The following CLSTN2 variants were observed in gnomAD, a reference collection of about 807,000 sequenced individuals.
CLSTN2 encodes the protein calsyntenin 2, also known as calsyntenin-2.
CLSTN2 carries 48 observed loss-of-function variants against 101.2 expected under a neutral mutation model. The observed-to-expected ratio is 0.47, with a 90% CI of 0.38 to 0.60. The LOEUF (loss-of-function observed/expected upper bound fraction) is 0.60, where lower values mean the gene tolerates loss of function less well. Among genes scored for constraint, CLSTN2 ranks in the 20% least tolerant of loss-of-function variants. The pLI, the probability that CLSTN2 is intolerant of heterozygous loss-of-function variation, is 0.00. For synonymous variants in CLSTN2, 481 were observed against 463.6 expected (o/e 1.04, Z -0.48); for missense variants, 1,160 against 1,238.2 (o/e 0.94, Z 0.95).
At chr3:140,494,679 C>A (rs1235696164) in intron 8 of CLSTN2, among the ~76,000 whole-genome samples, 1 of 152,172 alleles carries the variant, frequency 6.6e-6, no homozygotes, top group Admixed American at 6.5e-5. Context: ...GTGTTCTCGT[C>A]ATTCAGCTCT....
At chr3:140,291,074 A>G (rs941907187) in intron 2 of CLSTN2, among the ~76,000 whole-genome samples, 2 of 152,180 alleles carry the variant, frequency 1.3e-5, no homozygotes, top group South Asian at 2.1e-4. Flanking sequence ...GCAAAACATT[A>G]CTCATCTCTC....
In CLSTN2 at chr3:140,372,147, T is replaced by A. The variant is rs534075733; in HGVS notation, c.233-31482T>A. Among the ~76,000 whole-genome samples the A allele has an allele frequency of 6.6e-5, 10 of 152,310 alleles. No individual in the cohort carries two copies. The East Asian group carries it at 1.9e-3, about 29-fold the overall frequency. ...CTGGAATCCCACACTTGAACACTCA[T>A]GTCTTTCTCCCCAGCCACCGTGCTC... On this transcript the variant is annotated intron_variant, in intron 2 of 16. Coordinates refer to ENST00000458420, the MANE Select transcript of CLSTN2 (RefSeq NM_022131.3).
intron 2 of CLSTN2, among the ~76,000 whole-genome samples, chr3:140,334,562 A>C (rs1377153742): frequency 6.6e-6 from 1 of 152,240 alleles, no homozygotes; most frequent in African/African-American, 2.4e-5. Context: ...TCCCCACCTT[A>C]CAGCACCTTA....
intron 1 of CLSTN2, among the ~76,000 whole-genome samples, chr3:140,103,489 C>T (rs1297591545): frequency 6.6e-6 from 1 of 152,206 alleles, no homozygotes; most frequent in Non-Finnish European, 1.5e-5. Context: ...CTTTTTGTGG[C>T]TTCATTTAGA....
At chr3:139,985,532 A>AT (rs774346775) in intron 1 of CLSTN2, among the ~76,000 whole-genome samples, 42 of 152,020 alleles carry the variant, frequency 2.8e-4, no homozygotes, top group Non-Finnish European at 5.4e-4. Context: ...AAACTCTGAC[A>AT]TTGTTTGCAG....
chr3:140,563,279 TTA>T, intron 15 of CLSTN2, 76 bp downstream of exon 15: 3 of 1,519,878 alleles, frequency 2.0e-6, no homozygotes, highest in Non-Finnish European at 2.7e-6. Flanking sequence ...CAACAGACGG[TTA>T]TGTTGTAGCA....
rs1034890587 is a variant in CLSTN2, at chr3:140,128,795, T to C, written c.110-47156T>C. The stretch of plus-strand genomic sequence containing the variant: ...CGAGAGAGCTCATTGATGGGGTCCA[T>C]GTGGCCTCCAGGGCACAGAACTGGA... On this transcript the variant is annotated intron_variant, in intron 1 of 16. Transcript: ENST00000458420. 3.3e-5 allele frequency among the ~76,000 whole-genome samples: 5 copies of C among 152,284 alleles called. No individual in the cohort carries two copies. In the East Asian group the frequency reaches 9.7e-4, roughly 29 times the overall value.
intron 4 of CLSTN2, among the ~76,000 whole-genome samples, chr3:140,407,324 C>T (rs2107981233): frequency 6.6e-6 from 1 of 152,298 alleles, no homozygotes; most frequent in East Asian, 1.9e-4. Flanking sequence ...CCTGGCCCCT[C>T]CAACTTTCCA....
chr3:140,371,172 A>T (rs1036721398), intron 2 of CLSTN2, among the ~76,000 whole-genome samples: 1 of 152,194 alleles, frequency 6.6e-6, no homozygotes, highest in African/African-American at 2.4e-5. Context: ...CAGGTGAGGC[A>T]TGCCTTCCAG....
intron 1 of CLSTN2, among the ~76,000 whole-genome samples, chr3:140,162,474 G>T (rs1222058608): frequency 1.3e-5 from 2 of 152,176 alleles, no homozygotes; most frequent in Non-Finnish European, 2.9e-5. Context: ...GCCCCTGTCA[G>T]TGGTGCCTGA....
At chr3:140,526,566 CATAAATTTATA>C (rs1430480918) in intron 8 of CLSTN2, among the ~76,000 whole-genome samples, 2 of 142,944 alleles carry the variant, frequency 1.4e-5, no homozygotes, top group Admixed American at 1.4e-4. Flanking sequence ...AAAATCTACT[CATAAATTTATA>C]TGAAACAAAC....
chr3:140,490,616 AC>A (rs1349354227), intron 8 of CLSTN2, among the ~76,000 whole-genome samples: 2 of 151,372 alleles, frequency 1.3e-5, no homozygotes, highest in Non-Finnish European at 2.9e-5. Context: ...AAAAAAAAAA[AC>A]ATGGCACATC....
chr3:140,277,216 A>G (rs2086803277), intron 2 of CLSTN2, among the ~76,000 whole-genome samples: 2 of 152,178 alleles, frequency 1.3e-5, no homozygotes, highest in Admixed American at 1.3e-4. Flanking sequence ...GGTGCTTTGT[A>G]TATGCTAACC....
chr3:140,108,226 A>T (rs4491859), intron 1 of CLSTN2, among the ~76,000 whole-genome samples: 12,830 of 152,278 alleles, frequency 0.084, 609 homozygotes, highest in East Asian at 0.17. Flanking sequence ...TCCAACCTTC[A>T]GTCATAACTT....
chr3:140,088,133 C>G (rs1483576874), intron 1 of CLSTN2, among the ~76,000 whole-genome samples: 1 of 152,030 alleles, frequency 6.6e-6, no homozygotes, highest in Non-Finnish European at 1.5e-5. Flanking sequence ...TCGTTTCCCC[C>G]CTAAGAAAAC....
At chr3:140,110,614 A>G (rs2009139070) in intron 1 of CLSTN2, among the ~76,000 whole-genome samples, 1 of 152,234 alleles carries the variant, frequency 6.6e-6, no homozygotes, top group Non-Finnish European at 1.5e-5. Context: ...GGATAGATAT[A>G]TTGCTGCAAA....
At chr3:140,427,707 T>A (rs58958285) in intron 5 of CLSTN2, among the ~76,000 whole-genome samples, 1 of 152,158 alleles carries the variant, frequency 6.6e-6, no homozygotes, top group African/African-American at 2.4e-5. Flanking sequence ...GATCCCAGTA[T>A]GCACCTGTCT....
intron 1 of CLSTN2, among the ~76,000 whole-genome samples, chr3:140,120,801 T>G (rs2009328017): frequency 1.3e-5 from 2 of 152,208 alleles, no homozygotes. Flanking sequence ...GTGTTCCCAG[T>G]GGGAGTTCTG....
intron 2 of CLSTN2, among the ~76,000 whole-genome samples, chr3:140,367,075 A>G (rs2087799740): frequency 1.3e-5 from 2 of 152,252 alleles, no homozygotes; most frequent in African/African-American, 4.8e-5. Flanking sequence ...CTCCCACGCT[A>G]TGCTGGATGA....
Sources: gnomAD v4.1 joint callset for allele counts (sites outside exome capture counted in the v4.1 genomes callset) on GRCh38, gnomAD v4.1.1 for gene constraint, MANE v1.5 for transcripts, NCBI Gene and HGNC (gene_info 2026-07-23, HGNC 2026-07-21) for gene names.